The following ATIC variants were observed in gnomAD, a reference collection of about 807,000 sequenced individuals.
ATIC encodes the protein bifunctional purine biosynthesis protein ATIC.
ATIC carries 64 observed loss-of-function variants against 72.5 expected under a neutral mutation model. The ratio of observed to expected loss-of-function variants is 0.88; its 90% CI spans 0.72 to 1.09. ATIC has a LOEUF of 1.09. Among genes scored for constraint, ATIC ranks in the 50% least tolerant of loss-of-function variants. The pLI, the probability that ATIC is intolerant of heterozygous loss-of-function variation, is 0.00. For missense variants in ATIC, 787 were observed against 732.4 expected, an observed-to-expected ratio of 1.07 and a Z score of -0.86; for synonymous variants, 281 against 267.1, an observed-to-expected ratio of 1.05 and a Z score of -0.51.
chr2:215,331,087 A>G (rs946891557), intron 7 of ATIC, among the ~76,000 whole-genome samples: 1 of 152,230 alleles, frequency 6.6e-6, no homozygotes. Context: ...TTTATGAACA[A>G]AATTGCTATA....
downstream of ATIC, among the ~76,000 whole-genome samples, chr2:215,354,256 C>T (rs1329483435): frequency 6.6e-6 from 1 of 152,124 alleles, no homozygotes; most frequent in Non-Finnish European, 1.5e-5. Context: ...TCTTGAACTC[C>T]TGGCCTCAGG....
At chr2:215,365,058 C>A in the ATIC span, 16 of 948,016 alleles carry the variant, frequency 1.7e-5, no homozygotes, top group South Asian at 2.2e-4. Context: ...GGGGTGGGTT[C>A]TATTTCTGTC....
chr2:215,365,696 T>C, the ATIC span: 1 of 1,531,280 alleles, frequency 6.5e-7, no homozygotes, highest in East Asian at 2.3e-5. Context: ...AGACAGTAGG[T>C]GAACTGGGAC....
intron 7 of ATIC, among the ~76,000 whole-genome samples, chr2:215,328,927 G>A (rs1160471380): frequency 6.6e-6 from 1 of 152,082 alleles, no homozygotes; most frequent in African/African-American, 2.4e-5. Context: ...ACGTTGGCCA[G>A]GCTGGTTTTG....
At chr2:215,352,151 GA>G (rs763274139), downstream of ATIC, among the ~76,000 whole-genome samples, 3 of 152,132 alleles carry the variant, frequency 2.0e-5, no homozygotes, top group Admixed American at 1.3e-4. Context: ...TAAAAACTAA[GA>G]AAATCTAAAG....
intron 12 of ATIC, among the ~76,000 whole-genome samples, chr2:215,343,498 G>A (rs932921630): frequency 2.6e-5 from 4 of 152,034 alleles, no homozygotes; most frequent in African/African-American, 9.7e-5. Flanking sequence ...CACCACACCT[G>A]GCAAATTTTT....
At chr2:215,325,847 T>C (rs1276197185) in intron 5 of ATIC, 140 bp from the exon 6 acceptor site, 1 of 1,042,112 alleles carries the variant, frequency 9.6e-7, no homozygotes, top group Non-Finnish European at 1.4e-6. Flanking sequence ...ATTCCAGGCA[T>C]GAGCCACTGC....
chr2:215,334,956 A>G lies in ATIC; in HGVS notation c.960A>G (p.Ala320=), dbSNP rs767777404. ...TGTCTTCATTTGGTGATTTTGTTGC[A>G]TTGTCCGATGTTTGTGATGTACCAA... The part of the protein sequence containing the change: ...DRMSSFGDFV[A]LSDVCDVPTA... The change falls in exon 10 of 16, where the codon GCA becomes GCG. Residue 320 remains alanine (A), a synonymous_variant. Coordinates refer to ENST00000236959, the MANE Select transcript of ATIC (RefSeq NM_004044.7). 1 of 1,613,620 alleles carries G rather than the reference A, an allele frequency of 6.2e-7. No homozygotes were observed. The highest frequency in any genetic ancestry group is 1.7e-5 in the Admixed American group (1 of 60,004).
intron 12 of ATIC, among the ~76,000 whole-genome samples, chr2:215,343,295 G>A (rs902259515): frequency 6.6e-6 from 1 of 151,904 alleles, no homozygotes; most frequent in Non-Finnish European, 1.5e-5. Context: ...GAAAATGTCT[G>A]TCTTTTGCCC....
chr2:215,340,324 G>C (rs1057472064), intron 12 of ATIC, among the ~76,000 whole-genome samples: 5 of 152,154 alleles, frequency 3.3e-5, no homozygotes, highest in African/African-American at 7.2e-5. Context: ...TAAGAAATTT[G>C]ACCGGAGTTA....
intron 2 of ATIC, 109 bp downstream of exon 2, chr2:215,312,733 T>TGC: frequency 6.5e-7 from 1 of 1,532,444 alleles, no homozygotes. Flanking sequence ...CCAGTAGCGC[T>TGC]GTGAGGTTGG....
the ATIC span, chr2:215,364,911 T>C: frequency 1.0e-5 from 16 of 1,569,804 alleles, no homozygotes; most frequent in Non-Finnish European, 1.3e-5. Flanking sequence ...CAGGAGCAAA[T>C]GGCACCGAGA....
At position 215,312,182 on chromosome 2, in the gene ATIC, C is replaced by A. The variant is rs776300466; in HGVS notation, c.19+21C>A. The A allele has an allele frequency of 4.7e-6, 7 of 1,500,638 alleles. No individual in the cohort carries two copies. In the African/African-American group the frequency reaches 7.3e-5, roughly 16 times the overall value. 93.0% of individuals were successfully genotyped at this position (1,500,638 alleles called of 1,614,324 possible). On this transcript the variant is annotated intron_variant, in intron 1 of 15. Transcript: ENST00000236959. Reference sequence around the variant, plus strand: ...GCTCGGTGAGGCCCTAGCGGAGCGGCGCGGTCTGCGTCCTCGCCTGCGGCC... The same window carrying A: ...GCTCGGTGAGGCCCTAGCGGAGCGGAGCGGTCTGCGTCCTCGCCTGCGGCC...
intron 6 of ATIC, 152 bp downstream of exon 6, chr2:215,326,290 T>C (rs1274057131): frequency 7.6e-6 from 8 of 1,046,100 alleles, no homozygotes; most frequent in Admixed American, 4.7e-5. Context: ...AACCAGCTAT[T>C]ACAGAGGTGT....
chr2:215,333,607 A>T (rs1364482894), intron 9 of ATIC, 150 bp downstream of exon 9: 1 of 548,006 alleles, frequency 1.8e-6, no homozygotes, highest in Non-Finnish European at 3.1e-6. Context: ...CTATGTAAAT[A>T]TACAGTTATT....
intron 15 of ATIC, 64 bp from the exon 16 acceptor site, chr2:215,349,472 G>A (rs1260251176): frequency 1.9e-6 from 3 of 1,611,716 alleles, no homozygotes; most frequent in East Asian, 4.5e-5. Flanking sequence ...TTTTAGAGGG[G>A]GATTTTGAGT....
intron 11 of ATIC, 33 bp from the exon 12 acceptor site, chr2:215,338,746 G>A: frequency 6.2e-7 from 1 of 1,607,978 alleles, no homozygotes; most frequent in East Asian, 2.2e-5. Context: ...GAAGTGGAGA[G>A]ATTAACTTTA....
At chr2:215,335,314 G>A (rs1473115071) in intron 10 of ATIC, among the ~76,000 whole-genome samples, 1 of 152,094 alleles carries the variant, frequency 6.6e-6, no homozygotes, top group Non-Finnish European at 1.5e-5. Flanking sequence ...AATTTTAGGT[G>A]GTGATGCGAT....
At chr2:215,326,604 T>C (rs909723805) in intron 6 of ATIC, among the ~76,000 whole-genome samples, 53 of 150,262 alleles carry the variant, frequency 3.5e-4, no homozygotes, top group Non-Finnish European at 5.6e-4. Flanking sequence ...AGTGAGACTT[T>C]GTCTCAAAAA....
Sources: gnomAD v4.1 joint callset for allele counts (sites outside exome capture counted in the v4.1 genomes callset) on GRCh38, gnomAD v4.1.1 for gene constraint, MANE v1.5 for transcripts, NCBI Gene and HGNC (gene_info 2026-07-23, HGNC 2026-07-21) for gene names.